Variants in LRRK1 observed in about 807,000 individuals in gnomAD.
LRRK1 encodes the protein leucine-rich repeat serine/threonine-protein kinase 1.
In LRRK1, 113 loss-of-function variants were observed where a neutral mutation model predicts 209.1. The ratio of observed to expected loss-of-function variants is 0.54; its 90% CI spans 0.46 to 0.63. The LOEUF (loss-of-function observed/expected upper bound fraction) is 0.63, where lower values mean the gene tolerates loss of function less well. Ranked by LOEUF, LRRK1 falls within the 30% of genes least tolerant of loss-of-function variation. The probability of loss-of-function intolerance (pLI) is 0.00; values close to 1 mark genes in which losing one functional copy is unlikely to be tolerated. For missense variants in LRRK1, 2,284 were observed against 2,632.2 expected, an observed-to-expected ratio of 0.87 and a Z score of 2.89; for synonymous variants, 1,144 against 1,099.7, an observed-to-expected ratio of 1.04 and a Z score of -0.80.
chr15:101,025,869 C>A, intron 16 of LRRK1, 96 bp from the exon 17 acceptor site: 1 of 1,335,614 alleles, frequency 7.5e-7, no homozygotes, highest in Non-Finnish European at 1.0e-6. Flanking sequence ...AGGGCCGTGG[C>A]ATCCAGGGTC....
rs1329494276 is a variant in LRRK1, at chr15:100,919,415, C to T, written c.-159C>T. 2 of 149,644 alleles carry T rather than the reference C, an allele frequency of 1.3e-5. No homozygotes were observed. Among genetic ancestry groups the T allele is most frequent in the Non-Finnish European group, 1.5e-5 (1 of 66,880 alleles). 9.3% of individuals were successfully genotyped at this position (149,644 alleles called of 1,614,324 possible). Reference sequence around the variant, plus strand: ...CCAGTGTGTCCGCCCGGCCCCGCGTCCCGGAGCGCCCGCACCCGGCCCCGC... The same window carrying T: ...CCAGTGTGTCCGCCCGGCCCCGCGTTCCGGAGCGCCCGCACCCGGCCCCGC... On this transcript the variant is annotated 5_prime_UTR_variant, in exon 1 of 34. Transcript: ENST00000388948. This position sits in a 1 kb window ranked among gnomAD's most constrained non-coding sequence, Gnocchi z 5.8.
intron 29 of LRRK1, among the ~76,000 whole-genome samples, chr15:101,060,584 G>A (rs1175007827): frequency 6.6e-6 from 1 of 152,212 alleles, no homozygotes; most frequent in East Asian, 1.9e-4. Context: ...ACAGAGCTGC[G>A]TGATGCGGGG....
Position 101,014,352 on chromosome 15 carries a change from G to A in LRRK1, c.1456G>A (p.Ala486Thr). The change falls in exon 11 of 34, where the codon GCG becomes ACG. Residue 486 changes from alanine to threonine, a missense_variant. Transcript: ENST00000388948. ...CTTGAGGTTACAGGGGAACCAGCTG[G>A]CGGCACTTCCACCTCAAGAGAAGTG... ...MFLRLQGNQL[A>T]ALPPQEKWTC... 6.2e-7 allele frequency: 1 copy of A among 1,613,948 alleles called. No homozygotes were observed. Among genetic ancestry groups the A allele is most frequent in the Non-Finnish European group, 8.5e-7 (1 of 1,179,948 alleles).
intron 10 of LRRK1, 74 bp downstream of exon 10, chr15:101,012,219 T>A (rs901389473): frequency 3.9e-6 from 5 of 1,296,198 alleles, no homozygotes; most frequent in Non-Finnish European, 4.3e-6. Flanking sequence ...GTGAAATGTA[T>A]GTGCTTTTCC....
chr15:101,058,512 A>AAATT (rs1191808799), intron 29 of LRRK1, among the ~76,000 whole-genome samples: 1 of 151,424 alleles, frequency 6.6e-6, no homozygotes, highest in African/African-American at 2.4e-5. Flanking sequence ...ATCTTTTAAA[A>AAATT]AATTAGAAAA....
chr15:100,956,455 C>CTTTTTTTTTTCTTTTTTTTTTTTTTTTT (rs2042762776), intron 2 of LRRK1, among the ~76,000 whole-genome samples: 1 of 60,534 alleles, frequency 1.7e-5, no homozygotes, highest in Non-Finnish European at 2.9e-5. Flanking sequence ...TTTTTTTTTT[C>CTTTTTTTTTTCTTTTTTTTTTTTTTTTT]TTTTTTTTTT....
In LRRK1 at chr15:101,029,012, G is replaced by C; in HGVS notation, c.2743G>C (p.Gly915Arg). ...GCTCCATTTCCCGGACACCAGCCAC[G>C]GCCTGAGGAACCTCTACTTCCTCGA... ...TLLHFPDTSH[G>R]LRNLYFLDPI... Residue 915 changes from glycine (G) to arginine (R), a missense_variant, in exon 20 of 34, where the codon GGC becomes CGC. Gly to Arg is a moderately radical substitution (Grantham distance 125, BLOSUM62 -2). Transcript: ENST00000388948. 1.2e-6 allele frequency: 2 copies of C among 1,614,080 alleles called. No homozygotes were observed. The highest frequency in any genetic ancestry group is 1.7e-6 in the Non-Finnish European group (2 of 1,180,006).
chr15:101,049,784 G>C lies in LRRK1; in HGVS notation c.3439+1G>C, dbSNP rs747930349. Reference sequence around the variant, plus strand: ...TCCTTGATTGATCAGTGGTTTCCCGGTAAGAGGAGATGCTAGAAGCAAGCC... The same window carrying C: ...TCCTTGATTGATCAGTGGTTTCCCGCTAAGAGGAGATGCTAGAAGCAAGCC... On this transcript the variant is annotated splice_donor_variant, in intron 23 of 33. Coordinates refer to ENST00000388948, the MANE Select transcript of LRRK1 (RefSeq NM_024652.6). LOFTEE classifies it high-confidence loss of function. 3 of 1,612,210 alleles carry C rather than the reference G, an allele frequency of 1.9e-6. No homozygotes were observed. In the South Asian group the frequency reaches 3.3e-5, roughly 18 times the overall value.
In LRRK1 at chr15:100,981,555, T is replaced by A. The variant is rs539322707; in HGVS notation, c.262-1973T>A. On this transcript the variant is annotated intron_variant, in intron 3 of 33. Transcript: ENST00000388948. The stretch of plus-strand genomic sequence containing the variant: ...TCACTCCACTAACAGAACCTGAGCC[T>A]TCCTCCAAGTCCCATGTTTCCAGGA... Among the ~76,000 whole-genome samples, 7 of 152,320 alleles carry A rather than the reference T, an allele frequency of 4.6e-5. No individual in the cohort carries two copies. In the South Asian group the frequency reaches 1.0e-3, roughly 23 times the overall value.
rs531039597 is a variant in LRRK1, at chr15:100,925,793, A to C, written c.97+1064A>C. On this transcript the variant is annotated intron_variant, in intron 2 of 33. Coordinates refer to ENST00000388948, the MANE Select transcript of LRRK1 (RefSeq NM_024652.6). ...TTCCGTTTTATAGCTGAGGAACATG[A>C]GGGTAAGAGAAGCCTGGAAACGTGT... Among the ~76,000 whole-genome samples, 3 of 152,208 alleles carry C rather than the reference A, an allele frequency of 2.0e-5. No homozygotes were observed. The South Asian group carries it at 6.2e-4, about 31-fold the overall frequency.
At chr15:101,057,870 G>T in intron 28 of LRRK1, 120 bp from the exon 29 acceptor site, 1 of 1,122,008 alleles carries the variant, frequency 8.9e-7, no homozygotes. Flanking sequence ...TTTGGATCTA[G>T]TCTGAATGAA....
chr15:101,023,458 T>G (rs922433786), intron 15 of LRRK1, among the ~76,000 whole-genome samples: 1 of 152,234 alleles, frequency 6.6e-6, no homozygotes, highest in Non-Finnish European at 1.5e-5. Context: ...TGGTGGGAAC[T>G]CCATCCCTGG....
rs573707317 is a variant in LRRK1, at chr15:101,030,164, C to A, written c.2963+932C>A. On this transcript the variant is annotated intron_variant, in intron 20 of 33. Coordinates refer to ENST00000388948, the MANE Select transcript of LRRK1 (RefSeq NM_024652.6). ...TTCTTGCTCCCCAGCACCTGCCGCT[C>A]CTCATGACTTTGTGCTGGTCGCCAG... Among the ~76,000 whole-genome samples, 4 of 152,290 alleles carry A rather than the reference C, an allele frequency of 2.6e-5. No individual in the cohort carries two copies. In the South Asian group the frequency reaches 8.3e-4, roughly 32 times the overall value.
Position 101,066,662 on chromosome 15 carries a change from A to G in LRRK1, c.5791A>G (p.Ile1931Val), listed in dbSNP as rs1257955496. Residue 1931 changes from isoleucine (I) to valine (V), a missense_variant, in exon 33 of 34, where the codon ATT (isoleucine) becomes GTT (valine). Ile to Val is a conservative substitution (Grantham distance 29). Coordinates refer to ENST00000388948, the MANE Select transcript of LRRK1 (RefSeq NM_024652.6). Reference protein sequence around the residue: ...VPRRGGDVIVIGLEKDSGAQR... With the variant: ...VPRRGGDVIVVGLEKDSGAQR... The stretch of plus-strand genomic sequence containing the variant: ...TAGGCGCGGTGGAGATGTTATCGTC[A>G]TTGGCCTGGAGAAGGATTCTGGCGC... 3 of 1,614,080 alleles carry G rather than the reference A, an allele frequency of 1.9e-6. No homozygotes were observed. Among genetic ancestry groups the G allele is most frequent in the Non-Finnish European group, 2.5e-6 (3 of 1,180,040 alleles).
Position 100,973,897 on chromosome 15 carries a change from G to A in LRRK1, c.191G>A (p.Arg64Gln). ...RTEGIRAAYR[R>Q]GDRGGARDLL... is the part of the protein sequence containing the mutation. ...GAAGGCATCCGCGCCGCGTACAGGCGGGGAGACCGCGGCGGCGCCCGGGAC... is the reference window on the plus strand; with the variant it reads ...GAAGGCATCCGCGCCGCGTACAGGCAGGGAGACCGCGGCGGCGCCCGGGAC... The change falls in exon 3 of 34, where the codon CGG (arginine) becomes CAG (glutamine). Residue 64 changes from arginine (R) to glutamine (Q), a missense_variant. Transcript: ENST00000388948. 7.9e-7 allele frequency: 1 copy of A among 1,270,938 alleles called. No homozygotes were observed. Among genetic ancestry groups the A allele is most frequent in the Non-Finnish European group, 1.0e-6 (1 of 1,002,950 alleles). 78.7% of individuals were successfully genotyped at this position (1,270,938 alleles called of 1,614,324 possible).
At chr15:101,045,211 A>G (rs2034999746) in intron 20 of LRRK1, among the ~76,000 whole-genome samples, 2 of 152,230 alleles carry the variant, frequency 1.3e-5, no homozygotes, top group South Asian at 4.1e-4. Flanking sequence ...TTGGACTGAA[A>G]TAGATTTAAG....
rs2036871148 is a variant in LRRK1, at chr15:101,073,298, T to C, written c.*4450T>C. 6.6e-6 allele frequency: 1 copy of C among 152,326 alleles called. No homozygotes were observed. The highest frequency in any genetic ancestry group is 1.9e-4 in the East Asian group (1 of 5,202). 9.4% of individuals were successfully genotyped at this position (152,326 alleles called of 1,614,324 possible). A position where few individuals can be genotyped will look rare whatever the true frequency, so the allele number is the denominator to read the frequency against. ...TGGGAAGGCAGCCTTCCCTTGGTGT[T>C]TAATCATTGCAGGGACACCTCTCTG... On this transcript the variant is annotated 3_prime_UTR_variant, in exon 34 of 34. Transcript: ENST00000388948.
chr15:101,064,039 C>A (rs1055598583), intron 31 of LRRK1, among the ~76,000 whole-genome samples: 1 of 152,262 alleles, frequency 6.6e-6, no homozygotes, highest in Non-Finnish European at 1.5e-5. Flanking sequence ...AGGGTGTCTG[C>A]CCCCTCCAAG....
intron 2 of LRRK1, among the ~76,000 whole-genome samples, chr15:100,960,153 T>G (rs1052538596): frequency 6.6e-6 from 1 of 152,120 alleles, no homozygotes; most frequent in African/African-American, 2.4e-5. Flanking sequence ...GTTATCGTTT[T>G]GGGGGCTTCC....
Sources: gnomAD v4.1 joint callset for allele counts (sites outside exome capture counted in the v4.1 genomes callset) on GRCh38, gnomAD v4.1.1 for gene constraint, Gnocchi (gnomAD v3.1) non-coding constraint, MANE v1.5 for transcripts, NCBI Gene and HGNC (gene_info 2026-07-23, HGNC 2026-07-21) for gene names.